PTPRN2: variants seen among roughly 807,000 people sequenced by gnomAD.
PTPRN2 encodes receptor-type tyrosine-protein phosphatase N2.
Under a neutral mutation model 118.8 loss-of-function variants are expected in PTPRN2, and 74 were observed. The ratio of observed to expected loss-of-function variants is 0.62; its 90% CI spans 0.52 to 0.76. The LOEUF (loss-of-function observed/expected upper bound fraction) is 0.76. PTPRN2 is among the 30% of genes least tolerant of loss of function. The pLI is 0.00. For synonymous variants in PTPRN2, 641 were observed against 608.0 expected, an observed-to-expected ratio of 1.05 and a Z score of -0.80; for missense variants, 1,481 against 1,394.4, an observed-to-expected ratio of 1.06 and a Z score of -0.99.
chr7:157,749,973 G>C (rs879917680), intron 12 of PTPRN2, among the ~76,000 whole-genome samples: 1 of 151,514 alleles, frequency 6.6e-6, no homozygotes, highest in Non-Finnish European at 1.5e-5. Context: ...GCTGTGGGCT[G>C]TTCACGTGAT....
intron 12 of PTPRN2, among the ~76,000 whole-genome samples, chr7:157,719,762 C>T (rs759404449): frequency 1.3e-5 from 2 of 152,254 alleles, no homozygotes; most frequent in Admixed American, 6.5e-5. Context: ...TCTGCAATCT[C>T]CGGCCTTCCC....
intron 2 of PTPRN2, among the ~76,000 whole-genome samples, chr7:158,481,704 C>T (rs1019647806): frequency 2.0e-5 from 3 of 152,170 alleles, no homozygotes; most frequent in African/African-American, 7.2e-5. Flanking sequence ...CCTTGTGATC[C>T]ACCTGCGTCG....
chr7:157,843,404 C>T (rs965515538), intron 12 of PTPRN2, among the ~76,000 whole-genome samples: 4 of 151,986 alleles, frequency 2.6e-5, no homozygotes, highest in Non-Finnish European at 5.9e-5. Context: ...GGGGGGCCGG[C>T]GTGGGGGTTT....
At chr7:157,634,885 C>A (rs1804214226) in intron 14 of PTPRN2, among the ~76,000 whole-genome samples, 1 of 152,238 alleles carries the variant, frequency 6.6e-6, no homozygotes, top group African/African-American at 2.4e-5. Flanking sequence ...TGGTCACCTG[C>A]CTGTTGTCCT....
At chr7:158,120,753 C>A (rs1225203753) in intron 9 of PTPRN2, among the ~76,000 whole-genome samples, 1 of 152,208 alleles carries the variant, frequency 6.6e-6, no homozygotes, top group Non-Finnish European at 1.5e-5. Context: ...AAAACATCCT[C>A]CAGGGCCATC....
Position 158,097,654 on chromosome 7 carries a change from C to T in PTPRN2, c.1643+13175G>A, listed in dbSNP as rs147387258. Among the ~76,000 whole-genome samples, 17 of 152,318 alleles carry T rather than the reference C, an allele frequency of 1.1e-4. No individual in the cohort carries two copies. The South Asian group carries it at 1.7e-3, about 15-fold the overall frequency. ...CACCTCCCCGAGATTCCGCGGAAGG[C>T]GGCCTGGCATCGATCACCGCCGCCG... On this transcript the variant is annotated intron_variant, in intron 10 of 22. Coordinates refer to ENST00000389418, the MANE Select transcript of PTPRN2 (RefSeq NM_002847.5).
At chr7:157,885,493 C>A (rs577422680) in intron 12 of PTPRN2, among the ~76,000 whole-genome samples, 1 of 152,178 alleles carries the variant, frequency 6.6e-6, no homozygotes, top group Non-Finnish European at 1.5e-5. Context: ...CAGATGCACC[C>A]GCCTGACGCT....
At chr7:157,917,518 A>G (rs1161530953) in intron 11 of PTPRN2, among the ~76,000 whole-genome samples, 1 of 152,198 alleles carries the variant, frequency 6.6e-6, no homozygotes, top group Non-Finnish European at 1.5e-5. Flanking sequence ...GCGCAGTAAT[A>G]ATAGCGGCAG....
chr7:158,572,149 A>T (rs1268533091), intron 1 of PTPRN2, among the ~76,000 whole-genome samples: 1 of 152,216 alleles, frequency 6.6e-6, no homozygotes, highest in Non-Finnish European at 1.5e-5. Context: ...TTGCAAGTCC[A>T]ATGACTAGCA....
chr7:157,568,182 T>A (rs1310549880), intron 21 of PTPRN2, among the ~76,000 whole-genome samples: 2 of 152,196 alleles, frequency 1.3e-5, no homozygotes, highest in Non-Finnish European at 2.9e-5. Flanking sequence ...ACAGATCTGC[T>A]TTTCCACGCT....
intron 11 of PTPRN2, among the ~76,000 whole-genome samples, chr7:157,937,849 G>A (rs780240609): frequency 2.6e-5 from 4 of 152,210 alleles, no homozygotes; most frequent in East Asian, 1.9e-4. Flanking sequence ...GCCTAGTGAC[G>A]TGAGCCCCAG....
At position 158,167,411 on chromosome 7, in the gene PTPRN2, C is replaced by T. The variant is rs1390990038; in HGVS notation, c.550-120G>A. 3 of 1,303,786 alleles carry T rather than the reference C, an allele frequency of 2.3e-6. No homozygotes were observed. In the East Asian group the frequency reaches 7.2e-5, roughly 31 times the overall value. The allele number at this position is 1,303,786 out of a possible 1,614,324, so 80.8% of individuals were successfully genotyped here. ...AAACAGCCCTGGGGGTACAAAGATG[C>T]CCTTCGGTCTCAGGTTCAAGGTCCT... is the stretch of plus-strand genomic sequence containing the variant. On this transcript the variant is annotated intron_variant, in intron 5 of 22. Coordinates refer to ENST00000389418, the MANE Select transcript of PTPRN2 (RefSeq NM_002847.5).
At chr7:157,696,663 C>A (rs1423570194) in intron 12 of PTPRN2, among the ~76,000 whole-genome samples, 1 of 148,106 alleles carries the variant, frequency 6.8e-6, no homozygotes, top group African/African-American at 2.5e-5. Flanking sequence ...CACCATCTAC[C>A]TATGCATACT....
chr7:157,642,898 GC>G (rs1804791834), intron 14 of PTPRN2, among the ~76,000 whole-genome samples: 2 of 131,564 alleles, frequency 1.5e-5, no homozygotes, highest in African/African-American at 5.6e-5. Context: ...TAAGCCAATC[GC>G]CCCGGCAGCC....
At position 157,929,532 on chromosome 7, in the gene PTPRN2, A is replaced by G. The variant is rs189705090; in HGVS notation, c.1724-30795T>C. 4.5e-4 allele frequency among the ~76,000 whole-genome samples: 69 copies of G among 152,196 alleles called. No homozygotes were observed. The highest frequency in any genetic ancestry group is 3.4e-3 in the Middle Eastern group (1 of 294). On this transcript the variant is annotated intron_variant, in intron 11 of 22. Coordinates refer to ENST00000389418, the MANE Select transcript of PTPRN2 (RefSeq NM_002847.5). This position sits in a 1 kb window ranked among gnomAD's most constrained non-coding sequence, Gnocchi z 4.4. ...CCTGGCAGCCCAACAGAGGCTGGTC[A>G]TAGTTTTTGCCCTGGAATTCCCCTC...
rs2129448404 is a variant in PTPRN2 at position 158,526,254 on chromosome 7, T to C, written c.113-36469A>G. 6.6e-6 allele frequency among the ~76,000 whole-genome samples: 1 copy of C among 152,252 alleles called. No homozygotes were observed. Among genetic ancestry groups the C allele is most frequent in the Admixed American group, 6.5e-5 (1 of 15,292 alleles). On this transcript the variant is annotated intron_variant, in intron 1 of 22. Coordinates refer to ENST00000389418, the MANE Select transcript of PTPRN2 (RefSeq NM_002847.5). The surrounding 1 kb of genome is among the most constrained non-coding windows in gnomAD (Gnocchi z 5.2). ...CGAAGGGGTCACCCCTCGTGCAGGC[T>C]CAGGCCCTCCCTGCCCACCTGTGGC...
intron 3 of PTPRN2, among the ~76,000 whole-genome samples, chr7:158,260,795 G>A (rs945633638): frequency 3.9e-5 from 6 of 152,116 alleles, no homozygotes; most frequent in African/African-American, 1.2e-4. Context: ...TGGCAGAGAC[G>A]GCTCCTTCCT....
intron 2 of PTPRN2, among the ~76,000 whole-genome samples, chr7:158,449,140 C>T (rs907038783): frequency 6.6e-6 from 1 of 152,194 alleles, no homozygotes; most frequent in Admixed American, 6.5e-5. Context: ...ACTTCTCTTC[C>T]CTCCCAGTGA....
At chr7:158,365,852 A>ACACACACG (rs1563205236) in intron 2 of PTPRN2, among the ~76,000 whole-genome samples, 1 of 135,040 alleles carries the variant, frequency 7.4e-6, no homozygotes, top group African/African-American at 3.0e-5. Context: ...ACACACACCC[A>ACACACACG]CACACACACA....
Sources: gnomAD v4.1 joint callset for allele counts (sites outside exome capture counted in the v4.1 genomes callset) on GRCh38, gnomAD v4.1.1 for gene constraint, Gnocchi (gnomAD v3.1) non-coding constraint, MANE v1.5 for transcripts, NCBI Gene and HGNC (gene_info 2026-07-23, HGNC 2026-07-21) for gene names.